Variants in LUZP1 observed in about 807,000 individuals in gnomAD.
LUZP1 encodes the protein leucine zipper protein 1, also known as filamin mechanobinding actin cross-linking protein.
A neutral mutation model predicts 71.3 loss-of-function variants in LUZP1; 25 were observed. The ratio of observed to expected loss-of-function variants is 0.35; its 90% CI spans 0.26 to 0.49. LUZP1 has a LOEUF of 0.49. Ranked by LOEUF, LUZP1 falls within the 20% of genes least tolerant of loss-of-function variation. The pLI is 0.99. For missense variants in LUZP1, 1,142 were observed against 1,300.8 expected (o/e 0.88, Z 1.88); for synonymous variants, 481 against 506.4 (o/e 0.95, Z 0.67).
At chr1:23,117,454 CCT>C (rs1185318512) in intron 2 of LUZP1, among the ~76,000 whole-genome samples, 440 of 13,352 alleles carry the variant, frequency 0.033, 29 homozygotes, top group African/African-American at 0.16. Flanking sequence ...TTTTTTTTTT[CCT>C]CTCTCTCTCT....
intron 2 of LUZP1, among the ~76,000 whole-genome samples, chr1:23,120,610 G>A (rs571761950): frequency 1.1e-4 from 16 of 151,832 alleles, no homozygotes; most frequent in African/African-American, 3.9e-4. Context: ...CTCTTCTCTC[G>A]ACCTCCCAAA....
intron 3 of LUZP1, among the ~76,000 whole-genome samples, chr1:23,097,310 A>G (rs183181287): frequency 2.0e-4 from 31 of 152,362 alleles, no homozygotes; most frequent in Middle Eastern, 3.4e-3. Context: ...ACTTCTCAGC[A>G]GAAACTTTTA....
At chr1:23,158,647 C>CAAAAAA (rs56919514) in intron 2 of LUZP1, among the ~76,000 whole-genome samples, 10 of 59,916 alleles carry the variant, frequency 1.7e-4, no homozygotes, top group African/African-American at 2.7e-4. Flanking sequence ...GACTCTGTCT[C>CAAAAAA]AAAAAAAAAA....
intron 3 of LUZP1, among the ~76,000 whole-genome samples, chr1:23,105,131 A>G (rs1643970196): frequency 6.6e-6 from 1 of 152,238 alleles, no homozygotes; most frequent in African/African-American, 2.4e-5. Flanking sequence ...AGGCCATTCT[A>G]GCAGGATAAA....
At chr1:23,174,040 A>C (rs1465669590) in intron 1 of LUZP1, among the ~76,000 whole-genome samples, 1 of 152,056 alleles carries the variant, frequency 6.6e-6, no homozygotes, top group Non-Finnish European at 1.5e-5. Flanking sequence ...AAACAGAACC[A>C]ATAGGAGTAT....
At chr1:23,127,596 T>G (rs1644181863) in intron 2 of LUZP1, among the ~76,000 whole-genome samples, 1 of 152,142 alleles carries the variant, frequency 6.6e-6, no homozygotes, top group African/African-American at 2.4e-5. Flanking sequence ...CAATCTCAGT[T>G]CACTGCAAGC....
chr1:23,120,656 CAAT>C (rs1569608836), intron 2 of LUZP1, among the ~76,000 whole-genome samples: 1 of 152,178 alleles, frequency 6.6e-6, no homozygotes, highest in Admixed American at 6.5e-5. Flanking sequence ...CTACGCCTGA[CAAT>C]AATACCTAAT....
chr1:23,092,795 C>T, exon 4 of LUZP1: 1 of 1,613,790 alleles, frequency 6.2e-7, no homozygotes, highest in Non-Finnish European at 8.5e-7. Flanking sequence ...TGGAAGTCCC[C>T]TTCCACGCTT....
intron 2 of LUZP1, among the ~76,000 whole-genome samples, chr1:23,143,239 C>T (rs1294183355): frequency 6.6e-6 from 1 of 151,984 alleles, no homozygotes; most frequent in Non-Finnish European, 1.5e-5. Flanking sequence ...TAACTCCTTA[C>T]CTCGTGATCC....
intron 2 of LUZP1, among the ~76,000 whole-genome samples, chr1:23,149,347 C>T (rs1287091556): frequency 6.6e-6 from 1 of 152,048 alleles, no homozygotes; most frequent in Non-Finnish European, 1.5e-5. Flanking sequence ...ATGCTCCACC[C>T]TTTCTCTGCT....
intron 2 of LUZP1, among the ~76,000 whole-genome samples, chr1:23,116,627 GGAAAA>G (rs949839143): frequency 4.0e-5 from 6 of 151,376 alleles, no homozygotes; most frequent in East Asian, 3.9e-4. Flanking sequence ...GAAAAGAAAA[GGAAAA>G]GAAAAGAAAA....
At chr1:23,149,544 T>C (rs1042050716) in intron 2 of LUZP1, among the ~76,000 whole-genome samples, 2 of 152,120 alleles carry the variant, frequency 1.3e-5, no homozygotes, top group African/African-American at 4.8e-5. Context: ...TAGGAAAATG[T>C]CTGAATATAC....
intron 2 of LUZP1, among the ~76,000 whole-genome samples, chr1:23,121,184 G>A (rs1553138257): frequency 6.6e-6 from 1 of 152,164 alleles, no homozygotes; most frequent in Non-Finnish European, 1.5e-5. Flanking sequence ...TGACCAAACA[G>A]CCCCTTGGCA....
rs1191570803 is a variant in LUZP1 at position 23,154,709 on chromosome 1, AT to A, written c.-226+14056del. On this transcript the variant is annotated intron_variant, in intron 2 of 4. Transcript: ENST00000302291. ...AGGCGCCTGCCACCACACCTGGCTAATTTTTTTTTTTTTTTTTTGTATTTTT... is the reference window on the plus strand; with the variant it reads ...AGGCGCCTGCCACCACACCTGGCTAATTTTTTTTTTTTTTTTTGTATTTTT... 3.0e-3 allele frequency among the ~76,000 whole-genome samples: 383 copies of A among 125,598 alleles called. 2 individuals are homozygous for A. Among genetic ancestry groups the A allele is most frequent in the Middle Eastern group, 4.1e-3 (1 of 242 alleles). The allele number at this position is 125,598 out of a possible 152,430, so 82.4% of individuals were successfully genotyped here. A position where few individuals can be genotyped will look rare whatever the true frequency, so the allele number is the denominator to read the frequency against.
chr1:23,164,995 T>C (rs1644498765), intron 2 of LUZP1, among the ~76,000 whole-genome samples: 1 of 152,246 alleles, frequency 6.6e-6, no homozygotes, highest in African/African-American at 2.4e-5. Context: ...ATCCTCTGTC[T>C]TAAAAGTAAC....
chr1:23,174,766 G>C (rs1003441120), intron 1 of LUZP1, among the ~76,000 whole-genome samples: 2 of 152,166 alleles, frequency 1.3e-5, no homozygotes, highest in African/African-American at 4.8e-5. Flanking sequence ...TGATTACCCA[G>C]TATGATTGAG....
intron 2 of LUZP1, among the ~76,000 whole-genome samples, chr1:23,137,122 A>T (rs1206890778): frequency 1.2e-4 from 18 of 152,292 alleles, no homozygotes; most frequent in Admixed American, 9.2e-4. Flanking sequence ...GCAATTAAAT[A>T]AAAAAACCCA....
chr1:23,096,277 T>G (rs915953349), intron 3 of LUZP1, among the ~76,000 whole-genome samples: 5 of 151,856 alleles, frequency 3.3e-5, no homozygotes. Flanking sequence ...TCAAGAGAGA[T>G]ACGTAATTAC....
chr1:23,092,663 G>A (rs1405293199), exon 4 of LUZP1: 13 of 1,614,060 alleles, frequency 8.1e-6, no homozygotes, highest in Non-Finnish European at 1.1e-5. Context: ...TCTCAGAGGA[G>A]GTGTCAGAAG....
Sources: allele counts gnomAD v4.1 joint callset (sites outside exome capture counted in the v4.1 genomes callset), GRCh38; gene constraint gnomAD v4.1.1; transcripts MANE v1.5; gene names NCBI Gene and HGNC (gene_info 2026-07-23, HGNC 2026-07-21).